Variants in LRMDA observed in about 807,000 individuals in gnomAD.
LRMDA encodes leucine-rich melanocyte differentiation-associated protein.
Under a neutral mutation model 29.8 loss-of-function variants are expected in LRMDA, and 18 were observed. That is an observed-to-expected ratio of 0.60 (90% CI 0.42 to 0.90). The LOEUF is 0.90. Among genes scored for constraint, LRMDA ranks in the 40% least tolerant of loss-of-function variants. The probability of loss-of-function intolerance (pLI) is 0.00; values close to 1 mark genes in which losing one functional copy is unlikely to be tolerated. For missense variants in LRMDA, 273 were observed against 273.9 expected, an observed-to-expected ratio of 1.00 and a Z score of 0.02; for synonymous variants, 125 against 109.4, an observed-to-expected ratio of 1.14 and a Z score of -0.89.
intron 2 of LRMDA, among the ~76,000 whole-genome samples, chr10:75,843,352 T>C (rs920393420): frequency 6.6e-6 from 1 of 152,222 alleles, no homozygotes; most frequent in Non-Finnish European, 1.5e-5. Flanking sequence ...TATTGGAAGA[T>C]GGCACCTAGG....
At chr10:76,019,256 A>G (rs1335338647) in intron 2 of LRMDA, among the ~76,000 whole-genome samples, 1 of 152,098 alleles carries the variant, frequency 6.6e-6, no homozygotes, top group East Asian at 1.9e-4. Flanking sequence ...TCATATGTGC[A>G]TTTGTTGTAT....
At chr10:75,734,526 C>T (rs1842737572) in intron 2 of LRMDA, among the ~76,000 whole-genome samples, 1 of 152,112 alleles carries the variant, frequency 6.6e-6, no homozygotes, top group Non-Finnish European at 1.5e-5. Context: ...ATTTGTTACT[C>T]TTAATTATAT....
chr10:76,375,771 C>T (rs1401857449), intron 6 of LRMDA, among the ~76,000 whole-genome samples: 1 of 147,374 alleles, frequency 6.8e-6, no homozygotes, highest in African/African-American at 2.5e-5. Context: ...TTGGTGGAGT[C>T]ATACCAATAC....
chr10:75,619,819 G>A (rs985826952), intron 2 of LRMDA, among the ~76,000 whole-genome samples: 2 of 152,174 alleles, frequency 1.3e-5, no homozygotes, highest in African/African-American at 4.8e-5. Flanking sequence ...CTGCACTCTG[G>A]TCATAGCCGT....
At chr10:75,526,614 A>G (rs969455966) in intron 2 of LRMDA, among the ~76,000 whole-genome samples, 10 of 152,028 alleles carry the variant, frequency 6.6e-5, no homozygotes, top group Admixed American at 2.0e-4. Flanking sequence ...GCACTTTGGG[A>G]GTCCAAAGTG....
chr10:76,377,197 T>C (rs368434866), intron 6 of LRMDA, among the ~76,000 whole-genome samples: 1 of 152,246 alleles, frequency 6.6e-6, no homozygotes, highest in South Asian at 2.1e-4. Flanking sequence ...ATGTCTTCTT[T>C]TGAGAATGTC....
At chr10:75,791,101 T>G in intron 2 of LRMDA, among the ~76,000 whole-genome samples, 1 of 152,200 alleles carries the variant, frequency 6.6e-6, no homozygotes, top group East Asian at 1.9e-4. Context: ...TTCCACAGTT[T>G]GGTGAGGCAC....
intron 2 of LRMDA, among the ~76,000 whole-genome samples, chr10:75,869,238 G>A (rs1470031038): frequency 6.6e-6 from 1 of 152,204 alleles, no homozygotes; most frequent in East Asian, 1.9e-4. Context: ...AGGAACAGAG[G>A]CCCAGAGAAG....
chr10:75,468,419 T>A (rs1040479876), intron 2 of LRMDA, among the ~76,000 whole-genome samples: 1 of 152,094 alleles, frequency 6.6e-6, no homozygotes, highest in African/African-American at 2.4e-5. Flanking sequence ...AGCTATAGTA[T>A]CTAATCACAG....
chr10:76,101,611 A>G (rs899885938), intron 5 of LRMDA, among the ~76,000 whole-genome samples: 4 of 152,030 alleles, frequency 2.6e-5, no homozygotes, highest in Non-Finnish European at 5.9e-5. Context: ...TGCCACACAC[A>G]TGTAATCCCA....
chr10:75,975,199 C>G (rs1177072753), intron 2 of LRMDA, among the ~76,000 whole-genome samples: 4 of 152,242 alleles, frequency 2.6e-5, no homozygotes, highest in African/African-American at 9.6e-5. Context: ...AGTAACTTGT[C>G]TAGGTCACGC....
intron 2 of LRMDA, among the ~76,000 whole-genome samples, chr10:75,596,673 T>C (rs1343091964): frequency 6.6e-6 from 1 of 152,186 alleles, no homozygotes; most frequent in East Asian, 1.9e-4. Flanking sequence ...ACATTGATCA[T>C]CCTTTGTGTT....
intron 2 of LRMDA, among the ~76,000 whole-genome samples, chr10:75,457,559 A>T (rs1844535008): frequency 6.6e-6 from 1 of 152,168 alleles, no homozygotes; most frequent in African/African-American, 2.4e-5. Context: ...ATTTCACCTT[A>T]TCATTTTTTC....
chr10:76,023,550 A>G (rs1848012385), intron 2 of LRMDA, among the ~76,000 whole-genome samples: 1 of 152,290 alleles, frequency 6.6e-6, no homozygotes, highest in East Asian at 1.9e-4. Flanking sequence ...CTTGCAACCC[A>G]CTTTGGTGCA....
intron 2 of LRMDA, among the ~76,000 whole-genome samples, chr10:75,928,536 G>T (rs1846158175): frequency 6.6e-6 from 1 of 152,216 alleles, no homozygotes; most frequent in Non-Finnish European, 1.5e-5. Context: ...TAAGGGCAAT[G>T]AAAGGGAGAG....
At chr10:76,115,249 G>C (rs1849648996) in intron 5 of LRMDA, among the ~76,000 whole-genome samples, 1 of 152,198 alleles carries the variant, frequency 6.6e-6, no homozygotes, top group Non-Finnish European at 1.5e-5. Context: ...CTTCTTTAAG[G>C]TGGTTAGGGA....
intron 5 of LRMDA, among the ~76,000 whole-genome samples, chr10:76,299,156 C>T (rs978997739): frequency 1.4e-5 from 2 of 147,206 alleles, no homozygotes; most frequent in African/African-American, 2.5e-5. Flanking sequence ...AGAGAAGAGC[C>T]GTGTGTGTGT....
At chr10:75,976,010 A>G (rs777270075) in intron 2 of LRMDA, among the ~76,000 whole-genome samples, 22 of 152,208 alleles carry the variant, frequency 1.4e-4, no homozygotes, top group Non-Finnish European at 2.1e-4. Context: ...TATTTGCCAC[A>G]TGGCAGCCAG....
At chr10:76,086,238 A>G (rs918884349) in intron 5 of LRMDA, among the ~76,000 whole-genome samples, 1 of 152,302 alleles carries the variant, frequency 6.6e-6, no homozygotes, top group East Asian at 1.9e-4. Context: ...AACTTTTGGG[A>G]AAGAGTTCAC....
Sources: allele counts gnomAD v4.1 joint callset (sites outside exome capture counted in the v4.1 genomes callset), GRCh38; gene constraint gnomAD v4.1.1; transcripts MANE v1.5; gene names NCBI Gene and HGNC (gene_info 2026-07-23, HGNC 2026-07-21).